MTUS2: variants seen among roughly 807,000 people sequenced by gnomAD.
MTUS2 encodes the protein microtubule-associated tumor suppressor candidate 2.
In MTUS2, 40 loss-of-function variants were observed where a neutral mutation model predicts 114.1. The ratio of observed to expected loss-of-function variants is 0.35; its 90% CI spans 0.27 to 0.46. The LOEUF (loss-of-function observed/expected upper bound fraction) is 0.46. Among genes scored for constraint, MTUS2 ranks in the 20% least tolerant of loss-of-function variants. The pLI is 1.00. For synonymous variants in MTUS2, 688 were observed against 672.0 expected (o/e 1.02, Z -0.37); for missense variants, 1,679 against 1,705.4 (o/e 0.98, Z 0.27).
intron 2 of MTUS2, among the ~76,000 whole-genome samples, chr13:28,869,102 T>C (rs1051650407): frequency 6.6e-6 from 1 of 152,240 alleles, no homozygotes; most frequent in Non-Finnish European, 1.5e-5. Context: ...GTTGATTTGA[T>C]AATCTGCACC....
At chr13:29,215,727 C>A (rs1016748477) in intron 5 of MTUS2, among the ~76,000 whole-genome samples, 2 of 152,144 alleles carry the variant, frequency 1.3e-5, no homozygotes, top group Admixed American at 6.5e-5. Flanking sequence ...GCAAAGATTG[C>A]TGCCTGTTCC....
chr13:29,393,600 A>G (rs1053340343), intron 8 of MTUS2, among the ~76,000 whole-genome samples: 6 of 152,220 alleles, frequency 3.9e-5, no homozygotes, highest in Admixed American at 3.3e-4. Flanking sequence ...GTGACACTGA[A>G]GACAAAACTC....
chr13:29,357,937 C>A (rs749355954), intron 7 of MTUS2, among the ~76,000 whole-genome samples: 1 of 152,288 alleles, frequency 6.6e-6, no homozygotes, highest in Non-Finnish European at 1.5e-5. Context: ...GCCACTTGCA[C>A]GTTCACAAAC....
At chr13:29,328,393 A>G (rs1900619025) in intron 7 of MTUS2, among the ~76,000 whole-genome samples, 1 of 152,248 alleles carries the variant, frequency 6.6e-6, no homozygotes, top group South Asian at 2.1e-4. Flanking sequence ...TCATAAATCA[A>G]TATGAGGAAG....
chr13:29,322,963 A>C (rs1159118752), intron 6 of MTUS2, among the ~76,000 whole-genome samples: 1 of 152,184 alleles, frequency 6.6e-6, no homozygotes, highest in Non-Finnish European at 1.5e-5. Context: ...CTTCAGTGTC[A>C]GTAGGGCATG....
At chr13:29,353,530 G>T (rs945220391) in intron 7 of MTUS2, among the ~76,000 whole-genome samples, 1 of 152,050 alleles carries the variant, frequency 6.6e-6, no homozygotes, top group African/African-American at 2.4e-5. Flanking sequence ...CTAACTCCTG[G>T]GCTCAAGCAG....
chr13:29,359,420 G>T lies in MTUS2; in HGVS notation c.3064G>T (p.Ala1022Ser), dbSNP rs1253655352. 2 of 1,613,362 alleles carry T rather than the reference G, an allele frequency of 1.2e-6. No homozygotes were observed. The highest frequency in any genetic ancestry group is 1.7e-6 in the Non-Finnish European group (2 of 1,179,720). ...CGTTGCGCAAGGGGAGCTGAAGAGG[G>T]CCATCTGCGGCTTTGATGCCCTCGC... is the stretch of plus-strand genomic sequence containing the variant. ...LGVAQGELKR[A>S]ICGFDALAVA... is the part of the protein sequence containing the mutation. Residue 1022 changes from alanine to serine, a missense_variant, in exon 8 of 16, where the codon GCC becomes TCC. Ala to Ser is a moderately conservative substitution (Grantham distance 99). Coordinates refer to ENST00000612955, the MANE Select transcript of MTUS2 (RefSeq NM_001033602.4).
intron 2 of MTUS2, among the ~76,000 whole-genome samples, chr13:28,991,752 C>T (rs1211401920): frequency 6.6e-6 from 1 of 152,216 alleles, no homozygotes; most frequent in Non-Finnish European, 1.5e-5. Context: ...TTAAACCTGG[C>T]TACTTCTTAT....
intron 7 of MTUS2, chr13:29,339,712 C>T (rs1901286205): frequency 5.3e-6 from 1 of 189,438 alleles, no homozygotes; most frequent in Middle Eastern, 6.8e-4. Context: ...CAGGGACCAT[C>T]TCTCTCTGGA....
chr13:29,158,358 C>CCCCCCCCCTCCTTTT, intron 5 of MTUS2, among the ~76,000 whole-genome samples: 2 of 32,048 alleles, frequency 6.2e-5, no homozygotes, highest in Non-Finnish European at 1.0e-4. Context: ...GTCCACCCCG[C>CCCCCCCCCTCCTTTT]TTTTTTTTTT....
intron 5 of MTUS2, among the ~76,000 whole-genome samples, chr13:29,209,706 C>T (rs906391911): frequency 6.6e-6 from 1 of 152,094 alleles, no homozygotes; most frequent in African/African-American, 2.4e-5. Context: ...TCATGAAATA[C>T]AAAACTCTTG....
intron 4 of MTUS2, among the ~76,000 whole-genome samples, chr13:29,082,683 C>G (rs1014970356): frequency 6.6e-6 from 1 of 152,146 alleles, no homozygotes; most frequent in Non-Finnish European, 1.5e-5. Context: ...TTGTATGACT[C>G]AAGGCATAAT....
At chr13:28,959,401 C>G (rs74499983) in intron 2 of MTUS2, among the ~76,000 whole-genome samples, 5,397 of 152,268 alleles carry the variant, frequency 0.035, 137 homozygotes, top group Non-Finnish European at 0.05. Context: ...GGTCGCATAC[C>G]CCTTCCATGG....
At chr13:29,278,502 G>C (rs975008727) in intron 5 of MTUS2, among the ~76,000 whole-genome samples, 1 of 152,138 alleles carries the variant, frequency 6.6e-6, no homozygotes, top group Non-Finnish European at 1.5e-5. Flanking sequence ...AGAAAAACTT[G>C]AGTAGCCAAT....
chr13:29,114,869 T>G (rs1891024401), intron 5 of MTUS2, among the ~76,000 whole-genome samples: 1 of 152,342 alleles, frequency 6.6e-6, no homozygotes, highest in Non-Finnish European at 1.5e-5. Context: ...AGATTACTTC[T>G]GAAATACTGT....
At chr13:29,500,326 TTTC>T in intron 14 of MTUS2, among the ~76,000 whole-genome samples, 1 of 152,342 alleles carries the variant, frequency 6.6e-6, no homozygotes, top group East Asian at 1.9e-4. Context: ...AAGGGACAGT[TTTC>T]TTTAAAGATT....
At chr13:28,875,526 A>G (rs780374900) in intron 2 of MTUS2, among the ~76,000 whole-genome samples, 3 of 152,172 alleles carry the variant, frequency 2.0e-5, no homozygotes, top group Non-Finnish European at 4.4e-5. Context: ...GTTAATGTTT[A>G]TTTTTAAAAG....
chr13:29,248,657 G>T (rs967265120), intron 5 of MTUS2, among the ~76,000 whole-genome samples: 2 of 152,010 alleles, frequency 1.3e-5, no homozygotes, highest in African/African-American at 4.8e-5. Context: ...GCACCAGTGT[G>T]TGTTGTTCCC....
intron 2 of MTUS2, among the ~76,000 whole-genome samples, chr13:28,913,126 C>G (rs1314329877): frequency 6.6e-6 from 1 of 152,134 alleles, no homozygotes; most frequent in Non-Finnish European, 1.5e-5. Flanking sequence ...CCTGATTCCC[C>G]TGGCCAGAAC....
Sources: gnomAD v4.1 joint callset for allele counts (sites outside exome capture counted in the v4.1 genomes callset) on GRCh38, gnomAD v4.1.1 for gene constraint, MANE v1.5 for transcripts, NCBI Gene and HGNC (gene_info 2026-07-23, HGNC 2026-07-21) for gene names.